The following PDCD7 variants were observed in gnomAD, a reference collection of about 807,000 sequenced individuals.
PDCD7 encodes programmed cell death 7.
In PDCD7, 40 loss-of-function variants were observed where a neutral mutation model predicts 42.1. That is an observed-to-expected ratio of 0.95 (90% CI 0.74 to 1.24). PDCD7 has a LOEUF of 1.24. Ranked by LOEUF, PDCD7 falls within the 50% of genes most tolerant of loss-of-function variation. The pLI, the probability that PDCD7 is intolerant of heterozygous loss-of-function variation, is 0.00. For synonymous variants in PDCD7, 299 were observed against 303.3 expected (o/e 0.99, Z 0.15); for missense variants, 644 against 662.8 (o/e 0.97, Z 0.31).
In PDCD7 at chr15:65,117,594, G is replaced by A. The variant is rs986159556; in HGVS notation, c.*1123C>T. 3 of 151,408 alleles carry A rather than the reference G, an allele frequency of 2.0e-5. No individual in the cohort carries two copies. Among genetic ancestry groups the A allele is most frequent in the Admixed American group, 6.6e-5 (1 of 15,210 alleles). 9.4% of individuals were successfully genotyped at this position (151,408 alleles called of 1,614,324 possible). A position where few individuals can be genotyped will look rare whatever the true frequency, so the allele number is the denominator to read the frequency against. Reference sequence around the variant, plus strand: ...CTCCCAGGCTGGAGTGCCGTGGCGCGATCTCGGCTCACTGCAAGCTCTGCC... The same window carrying A: ...CTCCCAGGCTGGAGTGCCGTGGCGCAATCTCGGCTCACTGCAAGCTCTGCC... On this transcript the variant is annotated 3_prime_UTR_variant, in exon 5 of 5. Transcript: ENST00000204549.
In PDCD7 at chr15:65,133,802, G is replaced by C. The variant is rs377710618; in HGVS notation, c.-21C>G. 3.5e-4 allele frequency: 479 copies of C among 1,362,916 alleles called. No individual in the cohort carries two copies. Among genetic ancestry groups the C allele is most frequent in the Non-Finnish European group, 4.2e-4 (446 of 1,056,660 alleles). 84.4% of individuals were successfully genotyped at this position (1,362,916 alleles called of 1,614,324 possible). ...GCCATGTTCACGACGGAGATGCTTTGAGAAGTGACAGGAATCTGAGTGGCT... is the reference window on the plus strand; with the variant it reads ...GCCATGTTCACGACGGAGATGCTTTCAGAAGTGACAGGAATCTGAGTGGCT... On this transcript the variant is annotated 5_prime_UTR_variant, in exon 1 of 5. Coordinates refer to ENST00000204549, the MANE Select transcript of PDCD7 (RefSeq NM_005707.2).
In PDCD7 at chr15:65,133,573, G is replaced by A. The variant is rs1211589668; in HGVS notation, c.209C>T (p.Ala70Val). 5.7e-6 allele frequency: 7 copies of A among 1,231,208 alleles called. No individual in the cohort carries two copies. Among genetic ancestry groups the A allele is most frequent in the Middle Eastern group, 3.1e-4 (1 of 3,222 alleles). 76.3% of individuals were successfully genotyped at this position (1,231,208 alleles called of 1,614,324 possible). ...LALQPRASAE[A>V]SRGGGGAGAF... The stretch of plus-strand genomic sequence containing the variant: ...GCCAGCGCCGCCTCCGCCGCGGGAG[G>A]CCTCCGCGGAGGCTCGGGGCTGCAG... The change falls in exon 1 of 5, where the codon GCC becomes GTC. Residue 70 changes from alanine (A) to valine (V), a missense_variant. Transcript: ENST00000204549.
At chr15:65,126,066 G>A (rs952585311) in intron 2 of PDCD7, among the ~76,000 whole-genome samples, 4 of 149,506 alleles carry the variant, frequency 2.7e-5, no homozygotes, top group Non-Finnish European at 4.4e-5. Flanking sequence ...AAGTCCCTCC[G>A]ACGACATGTG....
intron 1 of PDCD7, among the ~76,000 whole-genome samples, chr15:65,132,219 A>C (rs2087546016): frequency 6.6e-6 from 1 of 151,464 alleles, no homozygotes; most frequent in South Asian, 2.1e-4. Context: ...AATCCTAGGG[A>C]AATCACTATT....
At chr15:65,130,184 G>C (rs1216584448) in intron 1 of PDCD7, among the ~76,000 whole-genome samples, 1 of 137,564 alleles carries the variant, frequency 7.3e-6, no homozygotes, top group Non-Finnish European at 1.6e-5. Context: ...TTTTGAGATG[G>C]AGTCTCGCTG....
At chr15:65,120,458 AC>A (rs1163262769) in intron 2 of PDCD7, among the ~76,000 whole-genome samples, 3 of 151,954 alleles carry the variant, frequency 2.0e-5, no homozygotes, top group African/African-American at 7.3e-5. Flanking sequence ...GGCCCTACCT[AC>A]TAATTTGTAA....
chr15:65,124,716 C>T lies in PDCD7; in HGVS notation c.1009+4316G>A, dbSNP rs75826238. On this transcript the variant is annotated intron_variant, in intron 2 of 4. Transcript: ENST00000204549. ...TTTCTCCCTTATAGTACTTTTACTT[C>T]CTTCTCCCCAGAGACCCATTTGGCA... is the stretch of plus-strand genomic sequence containing the variant. 2.2e-3 allele frequency among the ~76,000 whole-genome samples: 331 copies of T among 152,282 alleles called. 1 individual carries two copies. Among genetic ancestry groups the T allele is most frequent in the African/African-American group, 7.1e-3 (297 of 41,542 alleles).
At chr15:65,127,405 C>T (rs966821953) in intron 2 of PDCD7, among the ~76,000 whole-genome samples, 5 of 147,014 alleles carry the variant, frequency 3.4e-5, no homozygotes, top group Admixed American at 7.0e-5. Context: ...TGCAGTGAGC[C>T]GAGATTGCGC....
Position 65,118,540 on chromosome 15 carries a change from G to C in PDCD7, c.*177C>G, listed in dbSNP as rs565522286. On this transcript the variant is annotated 3_prime_UTR_variant, in exon 5 of 5. Coordinates refer to ENST00000204549, the MANE Select transcript of PDCD7 (RefSeq NM_005707.2). ...CTTTCCTGAAAAACCACATTAATCT[G>C]ATTCAAGAGGCACCTCTGGCCAGCA... The C allele has an allele frequency of 1.9e-6, 1 of 536,420 alleles. No individual in the cohort carries two copies. Among genetic ancestry groups the C allele is most frequent in the African/African-American group, 2.0e-5 (1 of 50,930 alleles). The allele number at this position is 536,420 out of a possible 1,614,324, so 33.2% of individuals were successfully genotyped here. A position where few individuals can be genotyped will look rare whatever the true frequency, so the allele number is the denominator to read the frequency against.
chr15:65,126,918 A>G (rs2087500989), intron 2 of PDCD7, among the ~76,000 whole-genome samples: 2 of 151,990 alleles, frequency 1.3e-5, no homozygotes, highest in East Asian at 1.9e-4. Flanking sequence ...ACCTTTATTC[A>G]TTATCTCTCA....
rs890298049 is a variant in PDCD7 at position 65,118,462 on chromosome 15, G to A, written c.*255C>T. ...AGCCCCTCAAAACAGAGGCAAATTT[G>A]GTGAACCAAGGTCATTCACTGCCTG... On this transcript the variant is annotated 3_prime_UTR_variant, in exon 5 of 5. Transcript: ENST00000204549. 2.9e-6 allele frequency: 1 copy of A among 349,592 alleles called. No individual in the cohort carries two copies. The highest frequency in any genetic ancestry group is 5.1e-6 in the Non-Finnish European group (1 of 195,392). 21.7% of individuals were successfully genotyped at this position (349,592 alleles called of 1,614,324 possible).
chr15:65,132,460 C>T (rs964607367), intron 1 of PDCD7, among the ~76,000 whole-genome samples: 1 of 151,896 alleles, frequency 6.6e-6, no homozygotes, highest in South Asian at 2.1e-4. Flanking sequence ...CCATCTTGGC[C>T]AGGCTGGTCT....
chr15:65,121,699 G>A (rs2087456253), intron 2 of PDCD7, among the ~76,000 whole-genome samples: 1 of 152,156 alleles, frequency 6.6e-6, no homozygotes, highest in South Asian at 2.1e-4. Context: ...TAACAGTATA[G>A]CCAACATATC....
chr15:65,133,767 T>C lies in PDCD7; in HGVS notation c.15A>G (p.Pro5=). The C allele has an allele frequency of 1.5e-6, 2 of 1,346,236 alleles. No homozygotes were observed. Among genetic ancestry groups the C allele is most frequent in the East Asian group, 3.0e-5 (1 of 32,950 alleles). The allele number at this position is 1,346,236 out of a possible 1,614,324, so 83.4% of individuals were successfully genotyped here. A position where few individuals can be genotyped will look rare whatever the true frequency, so the allele number is the denominator to read the frequency against. The change falls in exon 1 of 5, where the codon CCA becomes CCG. Residue 5 remains proline, a synonymous_variant. Coordinates refer to ENST00000204549, the MANE Select transcript of PDCD7 (RefSeq NM_005707.2). The part of the protein sequence containing the change: MALP[P]FFGQGRPGPP... ...GGCCTGGGCGACCCTGGCCGAAGAA[T>C]GGTGGCAGGGCCATGTTCACGACGG... is the stretch of plus-strand genomic sequence containing the variant.
intron 2 of PDCD7, among the ~76,000 whole-genome samples, chr15:65,128,711 A>G (rs2087515986): frequency 6.6e-6 from 1 of 152,242 alleles, no homozygotes; most frequent in African/African-American, 2.4e-5. Context: ...CTCTGGCACA[A>G]GGCAAAGGTG....
At chr15:65,131,332 G>A (rs2087538529) in intron 1 of PDCD7, among the ~76,000 whole-genome samples, 1 of 151,984 alleles carries the variant, frequency 6.6e-6, no homozygotes, top group African/African-American at 2.4e-5. Flanking sequence ...ACAATCTCAG[G>A]GCTCTCACTG....
intron 1 of PDCD7, among the ~76,000 whole-genome samples, chr15:65,130,657 C>T (rs944465274): frequency 1.3e-5 from 2 of 152,124 alleles, no homozygotes; most frequent in African/African-American, 2.4e-5. Context: ...GCACCTATTA[C>T]CTTCACCTGG....
intron 2 of PDCD7, among the ~76,000 whole-genome samples, chr15:65,121,224 A>G (rs1349999482): frequency 2.0e-5 from 3 of 151,744 alleles, no homozygotes; most frequent in African/African-American, 7.3e-5. Context: ...CACCCGGCTA[A>G]TTTTTGTATT....
chr15:65,118,847 A>G lies in PDCD7; in HGVS notation c.1335-7T>C, dbSNP rs1194773545. On this transcript the variant is annotated splice_region_variant and splice_polypyrimidine_tract_variant and intron_variant, in intron 4 of 4. Coordinates refer to ENST00000204549, the MANE Select transcript of PDCD7 (RefSeq NM_005707.2). ...GTACTGATCCCAATCATGCCTTAAT[A>G]AGAACATTATAGAACAACTATTTAT... is the stretch of plus-strand genomic sequence containing the variant. The G allele has an allele frequency of 1.3e-6, 2 of 1,575,008 alleles. No individual in the cohort carries two copies. Among genetic ancestry groups the G allele is most frequent in the Admixed American group, 3.8e-5 (2 of 53,244 alleles).
Sources: allele counts gnomAD v4.1 joint callset (sites outside exome capture counted in the v4.1 genomes callset), GRCh38; gene constraint gnomAD v4.1.1; transcripts MANE v1.5; gene names NCBI Gene and HGNC (gene_info 2026-07-23, HGNC 2026-07-21).